The following MED6 variants were observed in gnomAD, a reference collection of about 807,000 sequenced individuals.
The protein encoded by MED6 is mediator of RNA polymerase II transcription subunit 6.
A neutral mutation model predicts 37.5 loss-of-function variants in MED6; 33 were observed. That is an observed-to-expected ratio of 0.88 (90% CI 0.67 to 1.18). The LOEUF (loss-of-function observed/expected upper bound fraction) is 1.18. Ranked by LOEUF, MED6 falls within the 50% of genes most tolerant of loss-of-function variation. The pLI is 0.00. For missense variants in MED6, 235 were observed against 290.6 expected, an observed-to-expected ratio of 0.81 and a Z score of 1.39; for synonymous variants, 94 against 93.6, an observed-to-expected ratio of 1.00 and a Z score of -0.02.
At chr14:70,585,308 G>A (rs1214559028) in intron 7 of MED6, among the ~76,000 whole-genome samples, 2 of 152,228 alleles carry the variant, frequency 1.3e-5, no homozygotes, top group African/African-American at 2.4e-5. Context: ...GAATCACAGT[G>A]GCTTCCTCAC....
At chr14:70,595,131 C>A in intron 3 of MED6, 1 of 434,104 alleles carries the variant, frequency 2.3e-6, no homozygotes, top group South Asian at 1.5e-5. Context: ...ACACCAGTGT[C>A]ACTCGGCTTC....
chr14:70,587,463 A>T (rs1305362891), intron 6 of MED6, among the ~76,000 whole-genome samples: 1 of 152,216 alleles, frequency 6.6e-6, no homozygotes, highest in Non-Finnish European at 1.5e-5. Flanking sequence ...TTTTGAGGGA[A>T]TAAATTGTTT....
chr14:70,596,812 A>AC, intron 2 of MED6, 110 bp from the exon 3 acceptor site: 1 of 758,846 alleles, frequency 1.3e-6, no homozygotes, highest in South Asian at 1.9e-5. Context: ...TAGGATTAAA[A>AC]CTGCCTATGT....
At chr14:70,591,176 G>A in intron 6 of MED6, 90 bp downstream of exon 6, 2 of 999,328 alleles carry the variant, frequency 2.0e-6, no homozygotes, top group Middle Eastern at 2.6e-4. Flanking sequence ...TGTACTTTTA[G>A]GTCACATCTG....
At chr14:70,585,560 T>TTTTTTC (rs1266576930) in intron 7 of MED6, among the ~76,000 whole-genome samples, 196 bp downstream of exon 7, 1 of 138,774 alleles carries the variant, frequency 7.2e-6, no homozygotes, top group Non-Finnish European at 1.5e-5. Context: ...TGAGACTTTT[T>TTTTTTC]TTTTTTTTTC....
chr14:70,583,535 G>C lies in MED6; in HGVS notation c.*1278C>G, dbSNP rs1884608724. 1 of 152,170 alleles carries C rather than the reference G, an allele frequency of 6.6e-6. No individual in the cohort carries two copies. The highest frequency in any genetic ancestry group is 1.5e-5 in the Non-Finnish European group (1 of 68,038). The allele number at this position is 152,170 out of a possible 1,614,324, so 9.4% of individuals were successfully genotyped here. Reference sequence around the variant, plus strand: ...GAGCAATAAAAATGCAGAGACTCTAGTGATTCCACTTCTGGAACTCTATCC... The same window carrying C: ...GAGCAATAAAAATGCAGAGACTCTACTGATTCCACTTCTGGAACTCTATCC... On this transcript the variant is annotated 3_prime_UTR_variant, in exon 8 of 8. Coordinates refer to ENST00000256379, the MANE Select transcript of MED6 (RefSeq NM_005466.4).
At chr14:70,594,032 C>T (rs138669032) in intron 3 of MED6, among the ~76,000 whole-genome samples, 156 of 152,322 alleles carry the variant, frequency 1.0e-3, no homozygotes, top group Middle Eastern at 3.4e-3. Context: ...GGCAGGGACT[C>T]TAGATCTTTG....
chr14:70,590,020 C>T (rs148299302), intron 6 of MED6, among the ~76,000 whole-genome samples: 1 of 152,266 alleles, frequency 6.6e-6, no homozygotes, highest in African/African-American at 2.4e-5. Flanking sequence ...AATATTATTT[C>T]AACATATAAT....
At chr14:70,587,373 G>C (rs181741850) in intron 6 of MED6, among the ~76,000 whole-genome samples, 33 of 152,094 alleles carry the variant, frequency 2.2e-4, no homozygotes, top group Non-Finnish European at 4.6e-4. Flanking sequence ...CCAAATACGG[G>C]AGTCATCATG....
intron 6 of MED6, among the ~76,000 whole-genome samples, chr14:70,588,473 C>T (rs1884774313): frequency 1.3e-5 from 2 of 151,942 alleles, no homozygotes; most frequent in African/African-American, 4.8e-5. Flanking sequence ...ATCACGAGGT[C>T]AGGAGATTGA....
chr14:70,594,664 C>A, intron 3 of MED6: 1 of 452,000 alleles, frequency 2.2e-6, no homozygotes. Context: ...TATACAGGCA[C>A]CGGAGGCTCT....
chr14:70,600,439 G>GGA (rs779904042), intron 1 of MED6, among the ~76,000 whole-genome samples, 177 bp downstream of exon 1: 52 of 127,932 alleles, frequency 4.1e-4, no homozygotes, highest in African/African-American at 1.4e-3. Flanking sequence ...CAAGAACTCA[G>GGA]AAAAAAAAAA....
intron 6 of MED6, among the ~76,000 whole-genome samples, chr14:70,589,365 C>CA (rs1210247934): frequency 2.6e-5 from 4 of 152,162 alleles, no homozygotes; most frequent in African/African-American, 9.7e-5. Flanking sequence ...GCATCCCCCC[C>CA]ATACTGTTAC....
chr14:70,597,925 A>C (rs1039008434), intron 1 of MED6, 148 bp from the exon 2 acceptor site: 14 of 494,432 alleles, frequency 2.8e-5, no homozygotes, highest in Non-Finnish European at 4.6e-5. Context: ...ATGTAACAGA[A>C]GAGATTATGC....
chr14:70,584,744 C>G lies in MED6; in HGVS notation c.*69G>C, dbSNP rs1277844142. On this transcript the variant is annotated 3_prime_UTR_variant, in exon 8 of 8. Coordinates refer to ENST00000256379, the MANE Select transcript of MED6 (RefSeq NM_005466.4). ...GGTTACAATAAAGTACTTCAAAGCTCAAGAGCCACAGTACTGAGGTATGAT... is the reference window on the plus strand; with the variant it reads ...GGTTACAATAAAGTACTTCAAAGCTGAAGAGCCACAGTACTGAGGTATGAT... The G allele has an allele frequency of 6.5e-7, 1 of 1,535,350 alleles. No homozygotes were observed. Among genetic ancestry groups the G allele is most frequent in the Non-Finnish European group, 8.8e-7 (1 of 1,141,012 alleles).
intron 2 of MED6, 24 bp from the exon 3 acceptor site, chr14:70,596,726 A>C: frequency 6.7e-7 from 1 of 1,503,100 alleles, no homozygotes; most frequent in African/African-American, 1.4e-5. Flanking sequence ...ACAGACATCC[A>C]AAGATCTATA....
intron 6 of MED6, among the ~76,000 whole-genome samples, chr14:70,586,409 T>C (rs1341824744): frequency 1.3e-5 from 2 of 152,186 alleles, no homozygotes; most frequent in Non-Finnish European, 2.9e-5. Context: ...CCAAGTTAAA[T>C]GCTCTACGAC....
chr14:70,589,385 T>C (rs1210653150), intron 6 of MED6, among the ~76,000 whole-genome samples: 1 of 152,180 alleles, frequency 6.6e-6, no homozygotes, highest in Admixed American at 6.5e-5. Flanking sequence ...CTAGTTGCAT[T>C]CCTAAAACAC....
chr14:70,586,834 T>G (rs1884722220), intron 6 of MED6, among the ~76,000 whole-genome samples: 1 of 152,206 alleles, frequency 6.6e-6, no homozygotes, highest in South Asian at 2.1e-4. Flanking sequence ...TTATCCACTG[T>G]GCAATAAAAA....
Sources: gnomAD v4.1 joint callset for allele counts (sites outside exome capture counted in the v4.1 genomes callset) on GRCh38, gnomAD v4.1.1 for gene constraint, MANE v1.5 for transcripts, NCBI Gene and HGNC (gene_info 2026-07-23, HGNC 2026-07-21) for gene names.